The following STIM1 variants were observed in gnomAD, a reference collection of about 807,000 sequenced individuals.
The protein encoded by STIM1 is stromal interaction molecule 1.
In STIM1, 25 loss-of-function variants were observed where a neutral mutation model predicts 74.7. The ratio of observed to expected loss-of-function variants is 0.33; its 90% confidence interval spans 0.24 to 0.47. The LOEUF (loss-of-function observed/expected upper bound fraction) is 0.47, where lower values mean the gene tolerates loss of function less well. STIM1 is among the 20% of genes least tolerant of loss of function. STIM1 has a pLI of 1.00. For synonymous variants in STIM1, 328 were observed against 348.8 expected (o/e 0.94, Z 0.66); for missense variants, 728 against 920.8 (o/e 0.79, Z 2.71).
intron 1 of STIM1, among the ~76,000 whole-genome samples, chr11:3,920,608 G>T (rs1039339553): frequency 3.6e-4 from 55 of 152,168 alleles, no homozygotes; most frequent in African/African-American, 1.3e-3. Flanking sequence ...AAACTCAGCA[G>T]TTAAAGATAG....
chr11:4,089,305 ACCT>A (rs1163045204), intron 12 of STIM1, among the ~76,000 whole-genome samples: 2 of 152,146 alleles, frequency 1.3e-5, no homozygotes, highest in Non-Finnish European at 2.9e-5. Context: ...GAGGGCCCTA[ACCT>A]CCTGATTTCT....
chr11:3,938,196 C>G (rs983874858), intron 1 of STIM1, among the ~76,000 whole-genome samples: 2 of 152,136 alleles, frequency 1.3e-5, no homozygotes, highest in Admixed American at 6.5e-5. Flanking sequence ...CCTTGGCCCC[C>G]CAAAGTGCTG....
At chr11:4,084,609 T>C in intron 10 of STIM1, 64 bp from the exon 11 acceptor site, 1 of 1,239,626 alleles carries the variant, frequency 8.1e-7, no homozygotes, top group Non-Finnish European at 1.1e-6. Flanking sequence ...ATTACATTGA[T>C]GGCAGGCCGA....
At chr11:3,867,871 A>AGGCAGGCAGGCAG (rs1565095366) in intron 1 of STIM1, among the ~76,000 whole-genome samples, 4 of 118,704 alleles carry the variant, frequency 3.4e-5, no homozygotes, top group African/African-American at 5.2e-5. Flanking sequence ...CAGGCAGGCA[A>AGGCAGGCAGGCAG]GCAGGCAGGC....
At chr11:3,947,100 GTTTTT>G (rs57701004) in intron 1 of STIM1, among the ~76,000 whole-genome samples, 1 of 139,350 alleles carries the variant, frequency 7.2e-6, no homozygotes. Context: ...CATTCTTAGT[GTTTTT>G]TTTTTTTTTT....
intron 1 of STIM1, among the ~76,000 whole-genome samples, chr11:3,861,525 G>A (rs975925018): frequency 1.3e-5 from 2 of 152,172 alleles, no homozygotes; most frequent in Non-Finnish European, 2.9e-5. Context: ...GAGCCACCGC[G>A]CCTGGCCTCT....
intron 1 of STIM1, among the ~76,000 whole-genome samples, chr11:3,928,610 C>CGT (rs1449305524): frequency 6.6e-6 from 1 of 151,860 alleles, no homozygotes; most frequent in Non-Finnish European, 1.5e-5. Context: ...TGTGTGTGCG[C>CGT]GTGTGTGCAT....
chr11:4,016,626 G>A (rs944414453), intron 2 of STIM1, among the ~76,000 whole-genome samples: 44 of 152,270 alleles, frequency 2.9e-4, no homozygotes, highest in African/African-American at 1.1e-3. Context: ...GCTGTCTGCT[G>A]CCTTTTGTTC....
intron 7 of STIM1, among the ~76,000 whole-genome samples, chr11:4,081,634 T>G (rs2094466015): frequency 6.6e-6 from 1 of 152,232 alleles, no homozygotes; most frequent in South Asian, 2.1e-4. Flanking sequence ...CATTCTCTCC[T>G]GAGATCACCC....
At position 3,950,424 on chromosome 11, in the gene STIM1, G is replaced by A. The variant is rs575848300; in HGVS notation, c.140-17128G>A. 6.2e-3 allele frequency among the ~76,000 whole-genome samples: 938 copies of A among 152,252 alleles called. 8 individuals carry two copies. The highest frequency in any genetic ancestry group is 0.021 in the African/African-American group (892 of 41,532). On this transcript the variant is annotated intron_variant, in intron 1 of 12. Transcript: ENST00000526596. ...TGGGATTATAGGCATGAGCCACTGT[G>A]CCTGGCTGGGCATTCCTTTTTATTG...
At chr11:4,041,810 CT>C (rs2094150174) in intron 3 of STIM1, among the ~76,000 whole-genome samples, 1 of 152,126 alleles carries the variant, frequency 6.6e-6, no homozygotes, top group African/African-American at 2.4e-5. Context: ...TGGTCTTGAA[CT>C]CCTGGCCTCA....
At chr11:4,024,094 C>T in intron 3 of STIM1, 107 bp downstream of exon 3, 3 of 830,198 alleles carry the variant, frequency 3.6e-6, no homozygotes, top group Middle Eastern at 4.5e-4. Context: ...TAGTAAAGGG[C>T]AAATTATTGA....
Position 3,992,081 on chromosome 11 carries a change from G to GCTTTTTTT in STIM1, c.270+24399_270+24400insCTTTTTTT, listed in dbSNP as rs376329167. The stretch of plus-strand genomic sequence containing the variant: ...TTTCTCTGCAGCCTTGCCAACATCT[G>GCTTTTTTT]TTTTTTTGTTTTTTTTTTTTTTTTT... On this transcript the variant is annotated intron_variant, in intron 2 of 12. Transcript: ENST00000526596. 2.0e-3 allele frequency among the ~76,000 whole-genome samples: 180 copies of GCTTTTTTT among 91,946 alleles called. 17 individuals carry two copies. The highest frequency in any genetic ancestry group is 7.8e-3 in the Middle Eastern group (1 of 128). 60.3% of individuals were successfully genotyped at this position (91,946 alleles called of 152,430 possible).
intron 1 of STIM1, among the ~76,000 whole-genome samples, chr11:3,899,523 A>G (rs1457070227): frequency 2.0e-5 from 3 of 151,308 alleles, no homozygotes; most frequent in South Asian, 2.1e-4. Flanking sequence ...TCTCCTGCCT[A>G]ATTGCCCTGG....
intron 1 of STIM1, among the ~76,000 whole-genome samples, chr11:3,895,683 CTTCTTTCTTTCTTTCTTTCTTTCTTTCT>C (rs1157478592): frequency 5.3e-5 from 2 of 37,966 alleles, no homozygotes; most frequent in African/African-American, 2.7e-4. Context: ...TCCTTCCTTC[CTTCTTTCTTTCTTTCTTTCTTTCTTTCT>C]TTCTTTCTTT....
intron 1 of STIM1, among the ~76,000 whole-genome samples, chr11:3,928,537 T>G (rs1357819096): frequency 6.6e-6 from 1 of 152,106 alleles, no homozygotes; most frequent in Admixed American, 6.5e-5. Flanking sequence ...GCTATTCTGT[T>G]TTTTAAACTC....
intron 1 of STIM1, among the ~76,000 whole-genome samples, chr11:3,864,310 G>A (rs775988414): frequency 4.6e-5 from 7 of 152,164 alleles, no homozygotes; most frequent in Non-Finnish European, 1.0e-4. Context: ...AAAATAATAA[G>A]TATTTATTAT....
rs2094533306 is a variant in STIM1 at position 4,093,092 on chromosome 11, A to C, written c.*1294A>C. 1 of 152,712 alleles carries C rather than the reference A, an allele frequency of 6.5e-6. No homozygotes were observed. The highest frequency in any genetic ancestry group is 2.4e-5 in the African/African-American group (1 of 41,446). The allele number at this position is 152,712 out of a possible 1,614,324, so 9.5% of individuals were successfully genotyped here. ...GGTGGGTATACCTGGGGCTGGTCTT[A>C]GGAGGGTGCTAGGCTGCAGACTGCC... On this transcript the variant is annotated 3_prime_UTR_variant, in exon 13 of 13. Coordinates refer to ENST00000526596, the MANE Select transcript of STIM1 (RefSeq NM_001382567.1).
At chr11:4,084,628 A>G (rs1432480216) in intron 10 of STIM1, 45 bp from the exon 11 acceptor site, 2 of 1,282,726 alleles carry the variant, frequency 1.6e-6, no homozygotes, top group African/African-American at 1.5e-5. Flanking sequence ...GAAGCCCTCC[A>G]TAAATCAGAT....
Sources: allele counts gnomAD v4.1 joint callset (sites outside exome capture counted in the v4.1 genomes callset), GRCh38; gene constraint gnomAD v4.1.1; transcripts MANE v1.5; gene names NCBI Gene and HGNC (gene_info 2026-07-23, HGNC 2026-07-21).